TMEM233: variants seen among roughly 807,000 people sequenced by gnomAD.
The protein encoded by TMEM233 is transmembrane protein 233.
A neutral mutation model predicts 11.2 loss-of-function variants in TMEM233; 6 were observed. The ratio of observed to expected loss-of-function variants is 0.54; its 90% CI spans 0.29 to 1.06. The LOEUF is 1.06. Ranked by LOEUF, TMEM233 falls within the 50% of genes least tolerant of loss-of-function variation. The probability of loss-of-function intolerance (pLI) is 0.08; values close to 1 mark genes in which losing one functional copy is unlikely to be tolerated. For synonymous variants in TMEM233, 59 were observed against 55.8 expected (o/e 1.06, Z -0.26); for missense variants, 127 against 144.7 (o/e 0.88, Z 0.63).
chr12:119,637,576 T>C (rs146564694), intron 2 of TMEM233, among the ~76,000 whole-genome samples: 213 of 152,362 alleles, frequency 1.4e-3, no homozygotes, highest in African/African-American at 4.2e-3. Flanking sequence ...CCTCTTCTTT[T>C]CTATATTTTT....
At chr12:119,634,076 G>A (rs1954932290) in intron 2 of TMEM233, 4 of 167,776 alleles carry the variant, frequency 2.4e-5, no homozygotes, top group Non-Finnish European at 4.9e-5. Flanking sequence ...CGTGCGAATG[G>A]TGGCCATTCA....
chr12:119,650,116 C>A, the TMEM233 span, among the ~76,000 whole-genome samples: 4 of 144,344 alleles, frequency 2.8e-5, no homozygotes, highest in Non-Finnish European at 4.5e-5. Flanking sequence ...AGAGATGGCG[C>A]CACTGCACTC....
downstream of TMEM233, among the ~76,000 whole-genome samples, chr12:119,646,976 CTCACAACCTAGACTTAA>C (rs1358867921): frequency 6.6e-6 from 1 of 152,240 alleles, no homozygotes; most frequent in African/African-American, 2.4e-5. Context: ...CCAGGGTTAT[CTCACAACCTAGACTTAA>C]TCACATCATT....
chr12:119,630,468 G>A (rs773664548), intron 2 of TMEM233, among the ~76,000 whole-genome samples: 28 of 152,210 alleles, frequency 1.8e-4, no homozygotes, highest in Non-Finnish European at 2.9e-4. Context: ...ATATGGTCCC[G>A]ATCATGGTCT....
At chr12:119,606,136 A>G (rs139291750) in intron 1 of TMEM233, among the ~76,000 whole-genome samples, 1 of 152,354 alleles carries the variant, frequency 6.6e-6, no homozygotes, top group East Asian at 1.9e-4. Flanking sequence ...CTAAGTGCCC[A>G]CATACATCAA....
intron 1 of TMEM233, among the ~76,000 whole-genome samples, chr12:119,620,414 A>G (rs1008803487): frequency 6.6e-6 from 1 of 152,192 alleles, no homozygotes; most frequent in Non-Finnish European, 1.5e-5. Flanking sequence ...ATTCCTAGAA[A>G]TTCACCAAAA....
downstream of TMEM233, among the ~76,000 whole-genome samples, chr12:119,644,464 T>A (rs185506855): frequency 1.3e-3 from 187 of 149,422 alleles, 1 homozygote; most frequent in Admixed American, 1.0e-2. Flanking sequence ...TCTAATGGCT[T>A]TTCTTTTTCT....
chr12:119,648,633 C>T, the TMEM233 span, among the ~76,000 whole-genome samples: 1 of 152,310 alleles, frequency 6.6e-6, no homozygotes, highest in South Asian at 2.1e-4. Flanking sequence ...CTGTCTTTCC[C>T]AGCAGATCAT....
chr12:119,633,617 C>T (rs564606878), intron 2 of TMEM233, among the ~76,000 whole-genome samples: 77 of 151,874 alleles, frequency 5.1e-4, no homozygotes, highest in Middle Eastern at 6.8e-3. Context: ...TTAAAAGAGA[C>T]CCAAATTTAA....
chr12:119,617,350 A>G (rs979676713), intron 1 of TMEM233, among the ~76,000 whole-genome samples: 1 of 152,222 alleles, frequency 6.6e-6, no homozygotes, highest in Non-Finnish European at 1.5e-5. Flanking sequence ...TTTGGGAACT[A>G]GAGTAAAGGT....
chr12:119,604,492 T>G (rs922177630), intron 1 of TMEM233, among the ~76,000 whole-genome samples: 1 of 152,180 alleles, frequency 6.6e-6, no homozygotes, highest in Non-Finnish European at 1.5e-5. Context: ...AATACTTTGA[T>G]TCTCACTTTA....
intron 2 of TMEM233, among the ~76,000 whole-genome samples, chr12:119,633,060 G>A (rs1427649175): frequency 6.6e-6 from 1 of 152,044 alleles, no homozygotes; most frequent in African/African-American, 2.4e-5. Context: ...GGTATGAGAA[G>A]GAGTTGCCTC....
In TMEM233 at chr12:119,597,947, C is replaced by G. The variant is rs117267047; in HGVS notation, c.186+3913C>G. On this transcript the variant is annotated intron_variant, in intron 1 of 2. Transcript: ENST00000426426. ...CACATTTTCTCCATGCAGACACAGCCCTCCACCAGGGCACATAGCTTGGTG... is the reference window on the plus strand; with the variant it reads ...CACATTTTCTCCATGCAGACACAGCGCTCCACCAGGGCACATAGCTTGGTG... Among the ~76,000 whole-genome samples, 1,330 of 152,258 alleles carry G rather than the reference C, an allele frequency of 8.7e-3. 6 individuals carry two copies. Among genetic ancestry groups the G allele is most frequent in the Non-Finnish European group, 0.016 (1,066 of 68,022 alleles).
intron 1 of TMEM233, among the ~76,000 whole-genome samples, chr12:119,608,512 T>G (rs1393829623): frequency 6.6e-6 from 1 of 152,030 alleles, no homozygotes; most frequent in Non-Finnish European, 1.5e-5. Context: ...AATAGAAATC[T>G]GCAAGGCCAA....
intron 1 of TMEM233, among the ~76,000 whole-genome samples, chr12:119,605,689 G>A (rs368541634): frequency 2.0e-4 from 30 of 152,020 alleles, no homozygotes; most frequent in South Asian, 1.7e-3. Flanking sequence ...TCAGCCTCCC[G>A]AAGTGCTGGG....
chr12:119,599,564 T>C (rs954352648), intron 1 of TMEM233, among the ~76,000 whole-genome samples: 1 of 152,130 alleles, frequency 6.6e-6, no homozygotes, highest in Non-Finnish European at 1.5e-5. Context: ...ATCAACTAAT[T>C]TTACGTAGTA....
At chr12:119,615,883 G>A (rs1246204262) in intron 1 of TMEM233, among the ~76,000 whole-genome samples, 1 of 152,094 alleles carries the variant, frequency 6.6e-6, no homozygotes, top group East Asian at 1.9e-4. Context: ...TTGAGGTGTG[G>A]ATGCCAGGAG....
chr12:119,652,703 T>C, the TMEM233 span, among the ~76,000 whole-genome samples: 1 of 152,202 alleles, frequency 6.6e-6, no homozygotes, highest in Non-Finnish European at 1.5e-5. Flanking sequence ...CCTCAAATCC[T>C]TGGCTGACTC....
At chr12:119,618,340 G>A (rs1954576435) in intron 1 of TMEM233, among the ~76,000 whole-genome samples, 1 of 152,244 alleles carries the variant, frequency 6.6e-6, no homozygotes, top group Non-Finnish European at 1.5e-5. Flanking sequence ...TGCAGTAGTA[G>A]CCTCCACACA....
Sources: allele counts gnomAD v4.1 joint callset (sites outside exome capture counted in the v4.1 genomes callset), GRCh38; gene constraint gnomAD v4.1.1; transcripts MANE v1.5; gene names NCBI Gene and HGNC (gene_info 2026-07-23, HGNC 2026-07-21).